CCDC172: variants seen among roughly 807,000 people sequenced by gnomAD.
CCDC172 encodes coiled-coil domain-containing protein 172.
CCDC172 carries 30 observed loss-of-function variants against 38.0 expected under a neutral mutation model. The observed-to-expected ratio is 0.79, with a 90% CI of 0.59 to 1.07. The LOEUF is 1.07. CCDC172 is among the 50% of genes least tolerant of loss of function. CCDC172 has a pLI of 0.00. For missense variants in CCDC172, 297 were observed against 290.1 expected, an observed-to-expected ratio of 1.02 and a Z score of -0.17; for synonymous variants, 78 against 88.3, an observed-to-expected ratio of 0.88 and a Z score of 0.66.
At chr10:116,374,474 T>C (rs1589960858) in intron 7 of CCDC172, among the ~76,000 whole-genome samples, 1 of 148,902 alleles carries the variant, frequency 6.7e-6, no homozygotes, top group Non-Finnish European at 1.5e-5. Flanking sequence ...AATTTATAAA[T>C]TAAACTTTAT....
At chr10:116,350,633 C>G (rs530771016) in intron 5 of CCDC172, among the ~76,000 whole-genome samples, 1 of 152,172 alleles carries the variant, frequency 6.6e-6, no homozygotes, top group African/African-American at 2.4e-5. Context: ...ACTCATTTCT[C>G]CGAGTTGTTG....
At chr10:116,378,754 A>T (rs1321446094) in intron 8 of CCDC172, among the ~76,000 whole-genome samples, 4 of 152,080 alleles carry the variant, frequency 2.6e-5, no homozygotes, top group South Asian at 2.1e-4. Context: ...AAAGTAAGTT[A>T]AAAAAAAGCA....
At chr10:116,361,181 C>T (rs1259589421) in intron 7 of CCDC172, among the ~76,000 whole-genome samples, 1 of 151,852 alleles carries the variant, frequency 6.6e-6, no homozygotes, top group African/African-American at 2.4e-5. Flanking sequence ...GACACGGTTT[C>T]ACCACGTTGG....
At chr10:116,342,289 A>C in intron 5 of CCDC172, 88 bp downstream of exon 5, 1 of 1,172,248 alleles carries the variant, frequency 8.5e-7, no homozygotes, top group Non-Finnish European at 1.2e-6. Context: ...TAACTTTTTC[A>C]TGAGCAAATT....
chr10:116,371,186 A>AT (rs1046714691), intron 7 of CCDC172, among the ~76,000 whole-genome samples: 2 of 151,344 alleles, frequency 1.3e-5, no homozygotes, highest in Admixed American at 1.3e-4. Context: ...TGACATATGT[A>AT]TTTTTTTTAT....
chr10:116,324,842 TGGCGTCGGGCTCCATCTTCTTGCTG>T (rs1844569363), intron 1 of CCDC172, 80 bp from the exon 2 acceptor site: 1 of 619,724 alleles, frequency 1.6e-6, no homozygotes, highest in Non-Finnish European at 2.9e-6. Flanking sequence ...AGACACCGTC[TGGCGTCGGGCTCCATCTTCTTGCTG>T]GGCTGGCGAC....
intron 3 of CCDC172, among the ~76,000 whole-genome samples, chr10:116,337,919 ATAACT>A (rs143488187): frequency 0.015 from 2,243 of 152,304 alleles, 43 homozygotes; most frequent in African/African-American, 0.051. Context: ...AACATAAAAA[ATAACT>A]TAAGAAATCA....
chr10:116,328,157 T>C (rs1203583689), intron 3 of CCDC172, among the ~76,000 whole-genome samples: 1 of 152,078 alleles, frequency 6.6e-6, no homozygotes, highest in African/African-American at 2.4e-5. Flanking sequence ...CCGGATAGCA[T>C]GTAATTAGAA....
intron 3 of CCDC172, among the ~76,000 whole-genome samples, chr10:116,327,117 A>G (rs898937976): frequency 6.6e-6 from 1 of 152,158 alleles, no homozygotes; most frequent in Non-Finnish European, 1.5e-5. Flanking sequence ...TAATCCTAAC[A>G]GGAATCTTGT....
intron 3 of CCDC172, among the ~76,000 whole-genome samples, chr10:116,325,728 TAAA>T (rs1406673417): frequency 2.0e-5 from 3 of 152,244 alleles, no homozygotes; most frequent in Non-Finnish European, 2.9e-5. Context: ...TTTTGAATGA[TAAA>T]TAATTTGTGT....
intron 5 of CCDC172, among the ~76,000 whole-genome samples, chr10:116,350,583 A>G (rs1283938056): frequency 1.3e-5 from 2 of 152,222 alleles, no homozygotes; most frequent in Non-Finnish European, 2.9e-5. Context: ...TGGCTTCAAA[A>G]TAATGGTTGT....
chr10:116,348,525 A>G (rs1330228441), intron 5 of CCDC172, among the ~76,000 whole-genome samples: 1 of 152,040 alleles, frequency 6.6e-6, no homozygotes, highest in Non-Finnish European at 1.5e-5. Context: ...CCACTGCCAG[A>G]TATTATCTTT....
Position 116,340,835 on chromosome 10 carries a change from G to C in CCDC172, c.267G>C (p.Met89Ile). 1 of 1,553,056 alleles carries C rather than the reference G, an allele frequency of 6.4e-7. No individual in the cohort carries two copies. Among genetic ancestry groups the C allele is most frequent in the Non-Finnish European group, 8.9e-7 (1 of 1,128,842 alleles). The change falls in exon 4 of 9, where the codon ATG (methionine) becomes ATC (isoleucine). Residue 89 changes from methionine (M) to isoleucine (I), a missense_variant. Physicochemically the swap from Met to Ile is conservative, Grantham distance 10. Transcript: ENST00000333254. ...GTGAAATTACAAACCATAGGAATAT[G>C]CTTCTTCAAACCTTTGTAAGTTTCC... ...QYSEITNHRN[M>I]LLQTFEAIKK...
chr10:116,371,633 G>A (rs984935008), intron 7 of CCDC172, among the ~76,000 whole-genome samples: 1 of 151,890 alleles, frequency 6.6e-6, no homozygotes, highest in Non-Finnish European at 1.5e-5. Context: ...GTGTCTCAAA[G>A]TATTTTTGCT....
At chr10:116,325,245 C>T in intron 2 of CCDC172, 58 bp from the exon 3 acceptor site, 1 of 1,545,766 alleles carries the variant, frequency 6.5e-7, no homozygotes, top group Non-Finnish European at 8.9e-7. Flanking sequence ...TATCAAACGC[C>T]ACCAAAATGG....
chr10:116,331,173 ATTG>A (rs1253407600), intron 3 of CCDC172, among the ~76,000 whole-genome samples: 1 of 152,094 alleles, frequency 6.6e-6, no homozygotes, highest in African/African-American at 2.4e-5. Context: ...CAATAGGATT[ATTG>A]TTATTAAATT....
At chr10:116,331,970 A>C (rs1340839472) in intron 3 of CCDC172, among the ~76,000 whole-genome samples, 1 of 152,122 alleles carries the variant, frequency 6.6e-6, no homozygotes, top group Non-Finnish European at 1.5e-5. Flanking sequence ...TCACTTATAC[A>C]CTGCATCTCT....
chr10:116,357,134 C>G (rs1423727037), intron 5 of CCDC172, among the ~76,000 whole-genome samples: 1 of 151,770 alleles, frequency 6.6e-6, no homozygotes, highest in Non-Finnish European at 1.5e-5. Flanking sequence ...TTTTCTATTT[C>G]TGTGAAGAAT....
Position 116,335,451 on chromosome 10 carries a change from G to T in CCDC172, c.166-5283G>T, listed in dbSNP as rs564849020. On this transcript the variant is annotated intron_variant, in intron 3 of 8. Coordinates refer to ENST00000333254, the MANE Select transcript of CCDC172 (RefSeq NM_198515.3). Reference sequence around the variant, plus strand: ...CTCTGGAAGGGTAATTTCTTTTTCAGAATTTTCCTGATTCTTTTCATAGTT... The same window carrying T: ...CTCTGGAAGGGTAATTTCTTTTTCATAATTTTCCTGATTCTTTTCATAGTT... Among the ~76,000 whole-genome samples the T allele has an allele frequency of 2.6e-5, 4 of 151,550 alleles. No homozygotes were observed. The South Asian group carries it at 8.3e-4, about 32-fold the overall frequency.
Sources: allele counts gnomAD v4.1 joint callset (sites outside exome capture counted in the v4.1 genomes callset), GRCh38; gene constraint gnomAD v4.1.1; transcripts MANE v1.5; gene names NCBI Gene and HGNC (gene_info 2026-07-23, HGNC 2026-07-21).